Variants in SLC25A21 observed in about 807,000 individuals in gnomAD.
The protein encoded by SLC25A21 is mitochondrial 2-oxodicarboxylate carrier.
A neutral mutation model predicts 43.8 loss-of-function variants in SLC25A21; 47 were observed. That is an observed-to-expected ratio of 1.07 (90% CI 0.85 to 1.37). The LOEUF (loss-of-function observed/expected upper bound fraction) is 1.37. SLC25A21 is among the 40% of genes most tolerant of loss of function. SLC25A21 has a pLI of 0.00. For synonymous variants in SLC25A21, 131 were observed against 121.3 expected, an observed-to-expected ratio of 1.08 and a Z score of -0.52; for missense variants, 352 against 350.2, an observed-to-expected ratio of 1.00 and a Z score of -0.04.
chr14:37,013,002 G>A (rs9322972), intron 1 of SLC25A21, among the ~76,000 whole-genome samples: 1,527 of 152,300 alleles, frequency 0.01, 23 homozygotes, highest in African/African-American at 0.035. Flanking sequence ...GAGAGTGGTG[G>A]ATTGCGCAGC....
intron 3 of SLC25A21, among the ~76,000 whole-genome samples, chr14:36,761,423 C>G (rs1421862233): frequency 6.6e-6 from 1 of 152,206 alleles, no homozygotes; most frequent in African/African-American, 2.4e-5. Context: ...GCTCCTCTCT[C>G]TCTATAGAGT....
chr14:36,896,823 T>C lies in SLC25A21; in HGVS notation c.71-21819A>G, dbSNP rs191199385. Among the ~76,000 whole-genome samples the C allele has an allele frequency of 9.5e-3, 1,442 of 152,328 alleles. 17 individuals are homozygous for C. The highest frequency in any genetic ancestry group is 0.031 in the African/African-American group (1,307 of 41,576). On this transcript the variant is annotated intron_variant, in intron 1 of 9. Coordinates refer to ENST00000331299, the MANE Select transcript of SLC25A21 (RefSeq NM_030631.4). ...AGCTTAGTTTGGCTGGATATGAAAC[T>C]CTGGGTTGAAAATTCTTTTCTTTAA...
chr14:36,749,164 T>G (rs1025771501), intron 3 of SLC25A21, among the ~76,000 whole-genome samples: 1 of 152,204 alleles, frequency 6.6e-6, no homozygotes, highest in African/African-American at 2.4e-5. Flanking sequence ...TTTCTGTCCA[T>G]AAATCCTCTA....
At chr14:37,045,649 T>C (rs17106083) in intron 1 of SLC25A21, among the ~76,000 whole-genome samples, 1,641 of 152,290 alleles carry the variant, frequency 0.011, 24 homozygotes, top group African/African-American at 0.038. Context: ...GCAGTCTCCG[T>C]TTGGACCTGG....
At chr14:36,889,479 T>G (rs916863115) in intron 1 of SLC25A21, among the ~76,000 whole-genome samples, 6 of 152,174 alleles carry the variant, frequency 3.9e-5, no homozygotes, top group Admixed American at 1.3e-4. Context: ...ATTATCTTAA[T>G]CAATTAATTA....
At chr14:37,074,381 G>C (rs1449201728) in intron 1 of SLC25A21, among the ~76,000 whole-genome samples, 2 of 152,196 alleles carry the variant, frequency 1.3e-5, no homozygotes, top group East Asian at 3.9e-4. Flanking sequence ...CCTCACTTAT[G>C]TTAGACATTC....
chr14:37,027,289 C>T (rs1961113890), intron 1 of SLC25A21, among the ~76,000 whole-genome samples: 2 of 152,042 alleles, frequency 1.3e-5, no homozygotes, highest in Non-Finnish European at 2.9e-5. Flanking sequence ...TATTTGAATT[C>T]AAATTTCCTA....
chr14:37,047,283 G>A (rs77077369), intron 1 of SLC25A21, among the ~76,000 whole-genome samples: 6,185 of 152,156 alleles, frequency 0.041, 407 homozygotes, highest in African/African-American at 0.14. Context: ...CCAGATCCTC[G>A]GAACATGCAA....
chr14:37,042,207 C>A (rs1262856685), intron 1 of SLC25A21, among the ~76,000 whole-genome samples: 1 of 152,196 alleles, frequency 6.6e-6, no homozygotes, highest in Non-Finnish European at 1.5e-5. Flanking sequence ...ATTTTTGCTT[C>A]TGCTGCCACA....
At chr14:36,854,832 T>C (rs1235693859) in intron 2 of SLC25A21, among the ~76,000 whole-genome samples, 4 of 151,744 alleles carry the variant, frequency 2.6e-5, no homozygotes, top group East Asian at 2.0e-4. Context: ...CCAGGGATGG[T>C]CATACAGTTC....
At chr14:36,722,969 G>A (rs997031295) in intron 6 of SLC25A21, among the ~76,000 whole-genome samples, 1 of 152,110 alleles carries the variant, frequency 6.6e-6, no homozygotes, top group African/African-American at 2.4e-5. Context: ...GCCTTAGAGT[G>A]AAGAAAGCAA....
chr14:36,773,739 C>A (rs1886713249), intron 3 of SLC25A21, among the ~76,000 whole-genome samples: 1 of 152,252 alleles, frequency 6.6e-6, no homozygotes, highest in Admixed American at 6.5e-5. Context: ...ACGTTGTCAA[C>A]AGGATAGAGA....
intron 7 of SLC25A21, among the ~76,000 whole-genome samples, chr14:36,688,579 G>A (rs542258900): frequency 3.3e-5 from 5 of 152,264 alleles, no homozygotes; most frequent in South Asian, 2.1e-4. Context: ...GCTGCCTGCC[G>A]CCTTCGGTCC....
chr14:36,730,014 G>A (rs1228133200), intron 4 of SLC25A21, among the ~76,000 whole-genome samples: 3 of 152,116 alleles, frequency 2.0e-5, no homozygotes. Context: ...CATTTCTATT[G>A]TGGTGTCTCC....
chr14:37,168,163 G>A (rs1964063882), intron 1 of SLC25A21, among the ~76,000 whole-genome samples: 1 of 151,890 alleles, frequency 6.6e-6, no homozygotes, highest in Non-Finnish European at 1.5e-5. Context: ...GAGTACCAAG[G>A]GTCTGATCCA....
At chr14:37,048,471 T>G (rs925279873) in intron 1 of SLC25A21, among the ~76,000 whole-genome samples, 1 of 145,096 alleles carries the variant, frequency 6.9e-6, no homozygotes, top group African/African-American at 2.6e-5. Flanking sequence ...TTCCTGGTTT[T>G]GCAGTTAAAA....
At chr14:37,159,288 G>C (rs1489410489) in intron 1 of SLC25A21, among the ~76,000 whole-genome samples, 1 of 150,722 alleles carries the variant, frequency 6.6e-6, no homozygotes, top group Non-Finnish European at 1.5e-5. Context: ...TGAGCAAAAA[G>C]AACAAAGCTG....
chr14:36,756,297 C>T (rs1885925377), intron 3 of SLC25A21, among the ~76,000 whole-genome samples: 3 of 152,208 alleles, frequency 2.0e-5, no homozygotes, highest in Non-Finnish European at 4.4e-5. Flanking sequence ...TGTTCGGCCG[C>T]CTCCTTCTGC....
chr14:36,978,837 T>C (rs1959942864), intron 1 of SLC25A21, among the ~76,000 whole-genome samples: 1 of 152,174 alleles, frequency 6.6e-6, no homozygotes. Context: ...ATCAGGCACA[T>C]TGCTAGGAGT....
Sources: allele counts gnomAD v4.1 joint callset (sites outside exome capture counted in the v4.1 genomes callset), GRCh38; gene constraint gnomAD v4.1.1; transcripts MANE v1.5; gene names NCBI Gene and HGNC (gene_info 2026-07-23, HGNC 2026-07-21).